Variants in CALD1 observed in about 807,000 individuals in gnomAD.
CALD1 encodes caldesmon.
CALD1 carries 33 observed loss-of-function variants against 99.9 expected under a neutral mutation model. The observed-to-expected ratio is 0.33, with a 90% CI of 0.25 to 0.44. The LOEUF is 0.44. CALD1 is among the 20% of genes least tolerant of loss of function. CALD1 has a pLI of 1.00. For synonymous variants in CALD1, 310 were observed against 325.0 expected, an observed-to-expected ratio of 0.95 and a Z score of 0.50; for missense variants, 861 against 962.1, an observed-to-expected ratio of 0.89 and a Z score of 1.39.
chr7:134,959,620 T>G lies in CALD1; in HGVS notation c.2062-354T>G, dbSNP rs1808095649. Among the ~76,000 whole-genome samples, 3 of 152,092 alleles carry G rather than the reference T, an allele frequency of 2.0e-5. No individual in the cohort carries two copies. The South Asian group carries it at 6.2e-4, about 32-fold the overall frequency. ...TGGAGGTCGTGGCTGTAGTGAGCCT[T>G]GATTGTGCCACTGCACTCCAGCCTG... is the stretch of plus-strand genomic sequence containing the variant. On this transcript the variant is annotated intron_variant, in intron 11 of 14. Transcript: ENST00000361675.
chr7:134,892,755 A>G (rs753035275), intron 3 of CALD1, among the ~76,000 whole-genome samples: 3 of 152,180 alleles, frequency 2.0e-5, no homozygotes, highest in Non-Finnish European at 2.9e-5. Flanking sequence ...CTTAAGGGGA[A>G]CGCTATTGTA....
At chr7:134,799,698 C>T (rs1797874585) in intron 1 of CALD1, among the ~76,000 whole-genome samples, 1 of 152,084 alleles carries the variant, frequency 6.6e-6, no homozygotes, top group African/African-American at 2.4e-5. Context: ...TCGGATTGGC[C>T]TTCTGGTATA....
the CALD1 span, among the ~76,000 whole-genome samples, chr7:134,733,001 C>T: frequency 2.6e-5 from 4 of 152,228 alleles, no homozygotes; most frequent in Admixed American, 2.6e-4. Flanking sequence ...CGACACTGAT[C>T]ACACTAGGCT....
intron 2 of CALD1, among the ~76,000 whole-genome samples, chr7:134,856,547 G>A (rs1358450613): frequency 6.6e-6 from 1 of 152,150 alleles, no homozygotes; most frequent in African/African-American, 2.4e-5. Context: ...TGATAGAGGG[G>A]TAGCAAGAAG....
chr7:134,803,421 G>C (rs960230220), intron 1 of CALD1, among the ~76,000 whole-genome samples: 5 of 151,672 alleles, frequency 3.3e-5, no homozygotes, highest in Non-Finnish European at 7.4e-5. Context: ...TTTATGGCTA[G>C]TTCTTTTTCT....
At chr7:134,715,581 T>C in the CALD1 span, among the ~76,000 whole-genome samples, 15 of 152,372 alleles carry the variant, frequency 9.8e-5, no homozygotes, top group East Asian at 2.5e-3. Context: ...TAACATATTG[T>C]AGTAGTTTTA....
chr7:134,821,470 C>T (rs1798770589), intron 1 of CALD1, among the ~76,000 whole-genome samples: 1 of 151,860 alleles, frequency 6.6e-6, no homozygotes, highest in Non-Finnish European at 1.5e-5. Context: ...TTAGAGATAT[C>T]CAGAATTTTG....
intron 1 of CALD1, among the ~76,000 whole-genome samples, chr7:134,826,275 C>A (rs1188764018): frequency 3.9e-5 from 6 of 152,256 alleles, no homozygotes; most frequent in African/African-American, 1.2e-4. Context: ...AATGTACTCA[C>A]CCACGAGCAC....
At chr7:134,821,389 G>C (rs183890700) in intron 1 of CALD1, among the ~76,000 whole-genome samples, 1 of 151,754 alleles carries the variant, frequency 6.6e-6, no homozygotes, top group African/African-American at 2.4e-5. Flanking sequence ...TTAAATTATT[G>C]TAAGTAATAT....
intron 1 of CALD1, among the ~76,000 whole-genome samples, chr7:134,811,975 T>G (rs1252133302): frequency 1.3e-5 from 2 of 152,342 alleles, no homozygotes; most frequent in Admixed American, 6.5e-5. Context: ...TATTTGGTCC[T>G]TCTCCAAAAC....
chr7:134,841,560 G>A (rs538092968), intron 1 of CALD1, among the ~76,000 whole-genome samples: 1 of 152,104 alleles, frequency 6.6e-6, no homozygotes, highest in South Asian at 2.1e-4. Flanking sequence ...AAAGGAGCTC[G>A]TGCAAGCCTG....
intron 3 of CALD1, among the ~76,000 whole-genome samples, chr7:134,904,479 G>T (rs1302321759): frequency 6.6e-6 from 1 of 152,030 alleles, no homozygotes; most frequent in Non-Finnish European, 1.5e-5. Flanking sequence ...TACTCAAGAG[G>T]CTGCGGTGGG....
chr7:134,775,447 C>T (rs1242126205), upstream of CALD1, among the ~76,000 whole-genome samples: 2 of 152,316 alleles, frequency 1.3e-5, no homozygotes, highest in East Asian at 3.8e-4. Context: ...CACTGTGGCT[C>T]TCGCCTGGAA....
At chr7:134,755,250 C>T (rs963067009) in intron 1 of CALD1, among the ~76,000 whole-genome samples, 1 of 152,328 alleles carries the variant, frequency 6.6e-6, no homozygotes, top group Non-Finnish European at 1.5e-5. Flanking sequence ...ATCTGCCTGC[C>T]TCAGCCTCCC....
rs1033314653 is a variant in CALD1, at chr7:134,754,623, A to G, written c.-130+10260A>G. 2.6e-5 allele frequency among the ~76,000 whole-genome samples: 4 copies of G among 152,230 alleles called. No homozygotes were observed. The East Asian group carries it at 5.8e-4, about 22-fold the overall frequency. On this transcript the variant is annotated intron_variant, in intron 1 of 13. Transcript: ENST00000417172. ...GAAAATACATGTATGATATTGCTTCATGTGTGTTTTATATAACTGGAATAA... is the reference window on the plus strand; with the variant it reads ...GAAAATACATGTATGATATTGCTTCGTGTGTGTTTTATATAACTGGAATAA...
intron 1 of CALD1, among the ~76,000 whole-genome samples, chr7:134,836,882 A>T (rs1005546709): frequency 2.6e-5 from 4 of 152,194 alleles, no homozygotes; most frequent in African/African-American, 9.7e-5. Flanking sequence ...TCTATTAACA[A>T]TTGAAACATC....
intron 3 of CALD1, 115 bp from the exon 4 acceptor site, chr7:134,928,639 T>C: frequency 1.1e-6 from 1 of 882,230 alleles, no homozygotes. Context: ...TTTAGACGTA[T>C]GTGGTTCATT....
upstream of CALD1, among the ~76,000 whole-genome samples, chr7:134,775,668 G>A (rs545185789): frequency 7.3e-5 from 11 of 151,158 alleles, no homozygotes; most frequent in Admixed American, 5.9e-4. Flanking sequence ...CTGAGATCGT[G>A]CCACTGCACT....
chr7:134,836,143 C>CAAAAAAA (rs377048601), intron 1 of CALD1, among the ~76,000 whole-genome samples: 12 of 68,462 alleles, frequency 1.8e-4, no homozygotes, highest in Non-Finnish European at 3.2e-4. Context: ...GACTTCATCT[C>CAAAAAAA]AAAAAAAAAA....
Sources: allele counts gnomAD v4.1 joint callset (sites outside exome capture counted in the v4.1 genomes callset), GRCh38; gene constraint gnomAD v4.1.1; transcripts MANE v1.5; gene names NCBI Gene and HGNC (gene_info 2026-07-23, HGNC 2026-07-21).